Variants in NLRP12 observed in about 807,000 individuals in gnomAD.
NLRP12 encodes the protein NACHT, LRR and PYD domains-containing protein 12.
Under a neutral mutation model 91.2 loss-of-function variants are expected in NLRP12, and 108 were observed. The ratio of observed to expected loss-of-function variants is 1.18; its 90% CI spans 1.01 to 1.39. The LOEUF is 1.39. Ranked by LOEUF, NLRP12 falls within the 40% of genes most tolerant of loss-of-function variation. The probability of loss-of-function intolerance (pLI) is 0.00; values close to 1 mark genes in which losing one functional copy is unlikely to be tolerated. For synonymous variants in NLRP12, 613 were observed against 566.7 expected, an observed-to-expected ratio of 1.08 and a Z score of -1.16; for missense variants, 1,530 against 1,352.7, an observed-to-expected ratio of 1.13 and a Z score of -2.06.
At chr19:53,817,299 G>A (rs150134317) in intron 1 of NLRP12, among the ~76,000 whole-genome samples, 10 of 151,980 alleles carry the variant, frequency 6.6e-5, no homozygotes, top group South Asian at 4.2e-4. Context: ...GCATGGTGGC[G>A]CGTGCCTGTA....
At chr19:53,812,711 G>A (rs1326058984) in intron 2 of NLRP12, among the ~76,000 whole-genome samples, 1 of 151,966 alleles carries the variant, frequency 6.6e-6, no homozygotes, top group Non-Finnish European at 1.5e-5. Flanking sequence ...CATGATAGCT[G>A]CCTGAGAGAA....
In NLRP12 at chr19:53,807,508, G is replaced by A; in HGVS notation, c.2230C>T (p.Leu744Phe). ...GCCTGCACTCACCTCAGGTTCTGAAGTTTGCAGTTGGGGTGTCTGAGTCCT... is the reference window on the plus strand; with the variant it reads ...GCCTGCACTCACCTCAGGTTCTGAAATTTGCAGTTGGGGTGTCTGAGTCCT... The part of the protein sequence containing the change: ...CQGLRHPNCK[L>F]QNLRLKRCRI... The change falls in exon 4 of 10, where the codon CTT becomes TTT. Residue 744 changes from leucine to phenylalanine, a missense_variant. Transcript: ENST00000324134. 1 of 1,614,012 alleles carries A rather than the reference G, an allele frequency of 6.2e-7. No homozygotes were observed. The highest frequency in any genetic ancestry group is 8.5e-7 in the Non-Finnish European group (1 of 1,179,970).
In NLRP12 at chr19:53,796,009, G is replaced by C; in HGVS notation, c.2948C>G (p.Thr983Arg). The C allele has an allele frequency of 1.2e-6, 2 of 1,614,152 alleles. No individual in the cohort carries two copies. Among genetic ancestry groups the C allele is most frequent in the Non-Finnish European group, 1.7e-6 (2 of 1,180,000 alleles). The part of the protein sequence containing the change: ...QKLWLDSCGL[T>R]AKACENLYFT... ...GTAAAGATTCTCACAAGCCTTGGCT[G>C]TGAGGCCACAGCTATCCAGCCTGGT... Residue 983 changes from threonine to arginine, a missense_variant, in exon 9 of 10, where the codon ACA becomes AGA. Physicochemically the swap from Thr to Arg is moderately conservative, Grantham distance 71. Transcript: ENST00000324134.
chr19:53,795,564 C>T (rs1210898058), intron 9 of NLRP12, among the ~76,000 whole-genome samples: 8 of 149,960 alleles, frequency 5.3e-5, no homozygotes, highest in African/African-American at 1.7e-4. Context: ...TTATTAGAGA[C>T]GGGGTTTCGC....
In NLRP12 at chr19:53,809,538, A is replaced by AC. The variant is rs761409136; in HGVS notation, c.2072+48_2072+49insG. 5 of 1,456,828 alleles carry AC rather than the reference A, an allele frequency of 3.4e-6. No homozygotes were observed. The African/African-American group carries it at 8.3e-5, about 24-fold the overall frequency. The allele number at this position is 1,456,828 out of a possible 1,614,324, so 90.2% of individuals were successfully genotyped here. A position where few individuals can be genotyped will look rare whatever the true frequency, so the allele number is the denominator to read the frequency against. ...AGAGCAAAAAAAAAAAAAAAAAAAA[A>AC]AAACACACGAACCTAAGCAGCCCCA... On this transcript the variant is annotated intron_variant, in intron 3 of 9. Coordinates refer to ENST00000324134, the MANE Select transcript of NLRP12 (RefSeq NM_144687.4).
chr19:53,803,400 G>C (rs1004744041), intron 6 of NLRP12, among the ~76,000 whole-genome samples: 3 of 151,848 alleles, frequency 2.0e-5, no homozygotes, highest in African/African-American at 2.4e-5. Flanking sequence ...GGCTGGTCTC[G>C]AACTCCAGAC....
At chr19:53,798,220 C>T (rs778772485) in intron 8 of NLRP12, 23 bp downstream of exon 8, 2 of 1,613,972 alleles carry the variant, frequency 1.2e-6, no homozygotes, top group Non-Finnish European at 1.7e-6. Context: ...ACCACTGCCA[C>T]CCCGTCACTC....
chr19:53,807,480 C>G lies in NLRP12; in HGVS notation c.2243+15G>C, dbSNP rs762264006. Reference sequence around the variant, plus strand: ...GTGGGGACCACCTGAAACGCCCAGACCAGCCTGCACTCACCTCAGGTTCTG... The same window carrying G: ...GTGGGGACCACCTGAAACGCCCAGAGCAGCCTGCACTCACCTCAGGTTCTG... On this transcript the variant is annotated intron_variant, in intron 4 of 9. Coordinates refer to ENST00000324134, the MANE Select transcript of NLRP12 (RefSeq NM_144687.4). 26 of 1,612,160 alleles carry G rather than the reference C, an allele frequency of 1.6e-5. No individual in the cohort carries two copies. The highest frequency in any genetic ancestry group is 2.2e-5 in the Non-Finnish European group (26 of 1,179,178).
Position 53,797,388 on chromosome 19 carries a change from G to T in NLRP12, c.2927+855C>A, listed in dbSNP as rs552235925. ...TCTGTCCGCCTTGGACTCCCAAAGT[G>T]CTGGGATTACAGGCATGAGCCACTG... On this transcript the variant is annotated intron_variant, in intron 8 of 9. Coordinates refer to ENST00000324134, the MANE Select transcript of NLRP12 (RefSeq NM_144687.4). Among the ~76,000 whole-genome samples, 3 of 152,174 alleles carry T rather than the reference G, an allele frequency of 2.0e-5. No homozygotes were observed. The East Asian group carries it at 5.8e-4, about 29-fold the overall frequency.
At position 53,820,843 on chromosome 19, in the gene NLRP12, G is replaced by A. The variant is rs375685097; in HGVS notation, c.289+3043C>T. ...GCTGGGACTACAGGCGCCCATCACT[G>A]CGCCCAGCTAATTTTTTGTAAAAAA... On this transcript the variant is annotated intron_variant, in intron 1 of 9. Transcript: ENST00000324134. Among the ~76,000 whole-genome samples the A allele has an allele frequency of 4.4e-4, 66 of 150,186 alleles. No homozygotes were observed. In the East Asian group the frequency reaches 4.4e-3, roughly 10 times the overall value.
At chr19:53,794,590 G>C (rs1348198668) in intron 9 of NLRP12, among the ~76,000 whole-genome samples, 1 of 150,982 alleles carries the variant, frequency 6.6e-6, no homozygotes, top group Non-Finnish European at 1.5e-5. Context: ...AAAGTGCTGG[G>C]ATTACAGGTG....
Position 53,810,323 on chromosome 19 carries a change from T to G in NLRP12, c.1336A>C (p.Lys446Gln), listed in dbSNP as rs761088844. The change falls in exon 3 of 10, where the codon AAG (lysine) becomes CAG (glutamine). Residue 446 changes from lysine to glutamine, a missense_variant. By Grantham distance (53) the Lys-to-Gln change is moderately conservative. Coordinates refer to ENST00000324134, the MANE Select transcript of NLRP12 (RefSeq NM_144687.4). ...MLYLLSLMQP[K>Q]PGAPRLQPPP... ...GGCTGGAGGCGCGGGGCCCCCGGCT[T>G]GGGTTGCATCAGACTCAGCAGGTAG... is the stretch of plus-strand genomic sequence containing the variant. 2 of 1,613,552 alleles carry G rather than the reference T, an allele frequency of 1.2e-6. No individual in the cohort carries two copies. Among genetic ancestry groups the G allele is most frequent in the South Asian group, 2.2e-5 (2 of 91,082 alleles).
At chr19:53,815,175 C>T (rs1306700952) in intron 1 of NLRP12, among the ~76,000 whole-genome samples, 187 bp from the exon 2 acceptor site, 1 of 151,866 alleles carries the variant, frequency 6.6e-6, no homozygotes, top group Non-Finnish European at 1.5e-5. Context: ...GCGCACCCTC[C>T]TCCCTGGGTC....
At chr19:53,804,236 A>G in intron 5 of NLRP12, 114 bp from the exon 6 acceptor site, 1 of 1,222,646 alleles carries the variant, frequency 8.2e-7, no homozygotes, top group Non-Finnish European at 1.2e-6. Flanking sequence ...TCTGTCACCC[A>G]GGGTGAAGTT....
intron 1 of NLRP12, among the ~76,000 whole-genome samples, chr19:53,821,131 G>A (rs2092260366): frequency 6.8e-6 from 1 of 147,934 alleles, no homozygotes; most frequent in Non-Finnish European, 1.5e-5. Context: ...CACCGCCTGG[G>A]TTCAAGTGAT....
intron 1 of NLRP12, 49 bp downstream of exon 1, chr19:53,823,837 A>G (rs1307080122): frequency 2.5e-6 from 4 of 1,608,090 alleles, no homozygotes; most frequent in Non-Finnish European, 3.4e-6. Flanking sequence ...GGTATGAGTC[A>G]CTGGACCCGG....
chr19:53,809,582 C>CT lies in NLRP12; in HGVS notation c.2072+4dup. 1 of 1,536,350 alleles carries CT rather than the reference C, an allele frequency of 6.5e-7. No individual in the cohort carries two copies. ...AGCCCCAGGGGATACCCCAGGGATA[C>CT]TTACAGCTGCACCAACAGCGTGTGC... On this transcript the variant is annotated splice_donor_region_variant and intron_variant, in intron 3 of 9. Transcript: ENST00000324134.
chr19:53,810,398 C>G lies in NLRP12; in HGVS notation c.1261G>C (p.Gly421Arg). 6.2e-7 allele frequency: 1 copy of G among 1,613,824 alleles called. No individual in the cohort carries two copies. The highest frequency in any genetic ancestry group is 8.5e-7 in the Non-Finnish European group (1 of 1,180,014). The change falls in exon 3 of 10, where the codon GGG becomes CGG. Residue 421 changes from glycine to arginine, a missense_variant. Coordinates refer to ENST00000324134, the MANE Select transcript of NLRP12 (RefSeq NM_144687.4). ...CTCLQQQLEG[G>R]GLLRQTSRTT... ...CTGGACGTCTGTCTCAACAGCCCCCCACCCTCCAGCTGCTGCTGGAGGCAG... is the reference window on the plus strand; with the variant it reads ...CTGGACGTCTGTCTCAACAGCCCCCGACCCTCCAGCTGCTGCTGGAGGCAG...
Position 53,823,874 on chromosome 19 carries a change from C to T in NLRP12, c.289+12G>A. 1 of 1,613,758 alleles carries T rather than the reference C, an allele frequency of 6.2e-7. No individual in the cohort carries two copies. ...TGGCATTCTAGCCTTGCCTGTCCCG[C>T]CACCTCCTTACCCCTCACCAGGTCC... is the stretch of plus-strand genomic sequence containing the variant. On this transcript the variant is annotated intron_variant, in intron 1 of 9. Transcript: ENST00000324134.
Sources: allele counts gnomAD v4.1 joint callset (sites outside exome capture counted in the v4.1 genomes callset), GRCh38; gene constraint gnomAD v4.1.1; transcripts MANE v1.5; gene names NCBI Gene and HGNC (gene_info 2026-07-23, HGNC 2026-07-21).